The following NCAM2 variants were observed in gnomAD, a reference collection of about 807,000 sequenced individuals.
NCAM2 encodes N-CAM-2.
NCAM2 carries 30 observed loss-of-function variants against 98.1 expected under a neutral mutation model. That is an observed-to-expected ratio of 0.31 (90% CI 0.23 to 0.41). The LOEUF (loss-of-function observed/expected upper bound fraction) is 0.41, where lower values mean the gene tolerates loss of function less well. Ranked by LOEUF, NCAM2 falls within the 10% of genes least tolerant of loss-of-function variation. The probability of loss-of-function intolerance (pLI) is 1.00; values close to 1 mark genes in which losing one functional copy is unlikely to be tolerated. For missense variants in NCAM2, 867 were observed against 1,005.8 expected (o/e 0.86, Z 1.87); for synonymous variants, 368 against 342.4 (o/e 1.07, Z -0.83).
chr21:21,325,597 T>A (rs1027431852), intron 6 of NCAM2, among the ~76,000 whole-genome samples: 2 of 152,190 alleles, frequency 1.3e-5, no homozygotes, highest in African/African-American at 4.8e-5. Flanking sequence ...ATAATCATCG[T>A]CTGTCTCAGT....
chr21:21,500,507 T>G (rs1031089007), intron 15 of NCAM2, among the ~76,000 whole-genome samples: 3 of 149,500 alleles, frequency 2.0e-5, no homozygotes, highest in Non-Finnish European at 3.0e-5. Flanking sequence ...TCAGTGAATT[T>G]TATAACTTGC....
At chr21:21,436,998 C>T (rs1602339113) in intron 12 of NCAM2, among the ~76,000 whole-genome samples, 1 of 151,836 alleles carries the variant, frequency 6.6e-6, no homozygotes, top group Non-Finnish European at 1.5e-5. Flanking sequence ...TGGTTTCAAA[C>T]TCCTGAGCTC....
chr21:21,254,581 A>G (rs1337099426), intron 1 of NCAM2, among the ~76,000 whole-genome samples: 1 of 152,210 alleles, frequency 6.6e-6, no homozygotes, highest in African/African-American at 2.4e-5. Flanking sequence ...TTTAATGTCT[A>G]GACCATAACA....
chr21:21,049,790 G>C (rs1266476619), intron 1 of NCAM2, among the ~76,000 whole-genome samples: 1 of 151,862 alleles, frequency 6.6e-6, no homozygotes, highest in East Asian at 1.9e-4. Flanking sequence ...AGAATTGCTT[G>C]AACCTGGGAG....
At chr21:21,522,781 G>A (rs1469198812) in intron 16 of NCAM2, among the ~76,000 whole-genome samples, 2 of 151,592 alleles carry the variant, frequency 1.3e-5, no homozygotes, top group Non-Finnish European at 2.9e-5. Flanking sequence ...ACAGGCGTGT[G>A]CCACCACGCC....
intron 1 of NCAM2, among the ~76,000 whole-genome samples, chr21:21,198,983 G>T (rs2069111632): frequency 6.6e-6 from 1 of 152,068 alleles, no homozygotes; most frequent in South Asian, 2.1e-4. Context: ...GTTACCTTCT[G>T]TTCTGGTTTG....
intron 9 of NCAM2, among the ~76,000 whole-genome samples, chr21:21,378,208 CA>C (rs2076075372): frequency 6.6e-6 from 1 of 151,076 alleles, no homozygotes; most frequent in Non-Finnish European, 1.5e-5. Flanking sequence ...TAAACCCAGA[CA>C]AAGGATTCCT....
At chr21:21,296,471 T>C (rs2073483597) in intron 5 of NCAM2, among the ~76,000 whole-genome samples, 1 of 151,796 alleles carries the variant, frequency 6.6e-6, no homozygotes, top group Admixed American at 6.6e-5. Context: ...TACTGTTTTT[T>C]GACAGGAATA....
chr21:21,150,644 T>C (rs1450290501), intron 1 of NCAM2, among the ~76,000 whole-genome samples: 1 of 152,048 alleles, frequency 6.6e-6, no homozygotes, highest in Non-Finnish European at 1.5e-5. Context: ...ATTGTTTGAT[T>C]TCCATTCTTG....
intron 6 of NCAM2, among the ~76,000 whole-genome samples, chr21:21,332,957 A>G (rs868409848): frequency 4.6e-5 from 7 of 152,316 alleles, no homozygotes; most frequent in African/African-American, 7.2e-5. Flanking sequence ...TTATCATTCA[A>G]TTCTTTAGTG....
intron 1 of NCAM2, among the ~76,000 whole-genome samples, chr21:21,103,088 C>T (rs552490714): frequency 1.3e-5 from 2 of 152,130 alleles, no homozygotes; most frequent in Admixed American, 1.3e-4. Context: ...GTGACGCTAG[C>T]TTACAGTCTC....
intron 3 of NCAM2, among the ~76,000 whole-genome samples, chr21:21,285,501 A>G (rs1194124992): frequency 6.6e-6 from 1 of 151,962 alleles, no homozygotes; most frequent in Non-Finnish European, 1.5e-5. Context: ...CACAATAGCA[A>G]ATAATTAAAT....
intron 1 of NCAM2, among the ~76,000 whole-genome samples, chr21:21,020,393 C>T (rs1235798687): frequency 1.3e-5 from 2 of 152,312 alleles, no homozygotes; most frequent in East Asian, 3.9e-4. Flanking sequence ...CTTTCCCTTT[C>T]TTCCCTGACA....
intron 1 of NCAM2, among the ~76,000 whole-genome samples, chr21:21,182,909 G>C (rs922130252): frequency 4.6e-5 from 7 of 152,060 alleles, no homozygotes; most frequent in African/African-American, 1.7e-4. Context: ...TCTTCTGTGA[G>C]ACAAAATAAA....
intron 1 of NCAM2, among the ~76,000 whole-genome samples, chr21:21,021,490 ATAGAC>A (rs1190557760): frequency 6.6e-6 from 1 of 152,218 alleles, no homozygotes; most frequent in African/African-American, 2.4e-5. Flanking sequence ...GACTCAATAC[ATAGAC>A]ATGTAAGAAT....
At chr21:21,311,197 G>A (rs1318560929) in intron 5 of NCAM2, among the ~76,000 whole-genome samples, 1 of 152,052 alleles carries the variant, frequency 6.6e-6, no homozygotes, top group Non-Finnish European at 1.5e-5. Flanking sequence ...TCTATCTTGA[G>A]TCTACAAATA....
At chr21:21,253,367 T>C (rs1269218473) in intron 1 of NCAM2, among the ~76,000 whole-genome samples, 1 of 152,188 alleles carries the variant, frequency 6.6e-6, no homozygotes, top group Non-Finnish European at 1.5e-5. Flanking sequence ...CTTTTCCAAA[T>C]TCATGTGCTG....
chr21:21,321,943 G>A (rs780597212), intron 5 of NCAM2, among the ~76,000 whole-genome samples: 15 of 152,126 alleles, frequency 9.9e-5, no homozygotes, highest in Non-Finnish European at 2.1e-4. Flanking sequence ...TGCCATTTGA[G>A]CCAGCAAACC....
At chr21:21,334,976 T>C (rs190384942) in intron 6 of NCAM2, among the ~76,000 whole-genome samples, 14 of 152,222 alleles carry the variant, frequency 9.2e-5, no homozygotes, top group African/African-American at 3.1e-4. Flanking sequence ...TAATTGTGTT[T>C]TCATGTAATT....
Sources: allele counts gnomAD v4.1 joint callset (sites outside exome capture counted in the v4.1 genomes callset), GRCh38; gene constraint gnomAD v4.1.1; transcripts MANE v1.5; gene names NCBI Gene and HGNC (gene_info 2026-07-23, HGNC 2026-07-21).